Variants in MAP3K20 observed in about 807,000 individuals in gnomAD.
The protein encoded by MAP3K20 is mitogen-activated protein kinase kinase kinase 20.
In MAP3K20, 40 loss-of-function variants were observed where a neutral mutation model predicts 85.7. The ratio of observed to expected loss-of-function variants is 0.47; its 90% CI spans 0.36 to 0.61. The LOEUF (loss-of-function observed/expected upper bound fraction) is 0.61, where lower values mean the gene tolerates loss of function less well. Among genes scored for constraint, MAP3K20 ranks in the 20% least tolerant of loss-of-function variants. The pLI, the probability that MAP3K20 is intolerant of heterozygous loss-of-function variation, is 0.00. For synonymous variants in MAP3K20, 325 were observed against 327.7 expected (o/e 0.99, Z 0.09); for missense variants, 817 against 961.7 (o/e 0.85, Z 1.99).
chr2:173,099,205 G>C (rs1326967308), intron 2 of MAP3K20, among the ~76,000 whole-genome samples: 1 of 151,628 alleles, frequency 6.6e-6, no homozygotes, highest in Non-Finnish European at 1.5e-5. Flanking sequence ...GAAACCTCAG[G>C]CCAATACTTT....
At chr2:173,217,087 G>T in intron 10 of MAP3K20, 28 bp from the exon 11 acceptor site, 2 of 1,460,674 alleles carry the variant, frequency 1.4e-6, no homozygotes, top group South Asian at 3.2e-5. Flanking sequence ...AAGTAAAGTT[G>T]AGACTTACAC....
intron 14 of MAP3K20, among the ~76,000 whole-genome samples, chr2:173,236,266 TAAAAAAAAAA>T (rs67764486): frequency 3.1e-5 from 2 of 64,706 alleles, no homozygotes; most frequent in Non-Finnish European, 5.4e-5. Flanking sequence ...AGACCCTGTC[TAAAAAAAAAA>T]AAAAAAAAAA....
rs777840177 is a variant in MAP3K20 at position 173,266,413 on chromosome 2, ATTC to A, written c.2071_2073del (p.Ser691del). ...TATGGACGTGGTAGTATATCACTCA[ATTC>A]TTCTCCTAGAGGAAGATACAGTGGA... is the stretch of plus-strand genomic sequence containing the variant. On this transcript the variant is annotated inframe_deletion, in exon 20 of 20. Coordinates refer to ENST00000375213, the MANE Select transcript of MAP3K20 (RefSeq NM_016653.3). The A allele has an allele frequency of 1.2e-5, 20 of 1,614,036 alleles. No homozygotes were observed. In the East Asian group the frequency reaches 4.2e-4, roughly 34 times the overall value.
chr2:173,148,304 T>G (rs1689195163), intron 2 of MAP3K20, among the ~76,000 whole-genome samples: 1 of 152,234 alleles, frequency 6.6e-6, no homozygotes, highest in African/African-American at 2.4e-5. Flanking sequence ...CTTAGTATTC[T>G]CCCTTGCTCT....
At chr2:173,171,911 T>G (rs891976936) in intron 3 of MAP3K20, among the ~76,000 whole-genome samples, 1 of 152,248 alleles carries the variant, frequency 6.6e-6, no homozygotes, top group Non-Finnish European at 1.5e-5. Context: ...TGAGATTGAT[T>G]ATTAAAGAGA....
At chr2:173,108,138 T>A (rs547911142) in intron 2 of MAP3K20, among the ~76,000 whole-genome samples, 19 of 76,868 alleles carry the variant, frequency 2.5e-4, no homozygotes, top group East Asian at 1.3e-3. Context: ...TTTTTATTTT[T>A]TTTTTTATTT....
At chr2:173,167,124 C>T (rs1689855195) in intron 2 of MAP3K20, among the ~76,000 whole-genome samples, 1 of 151,852 alleles carries the variant, frequency 6.6e-6, no homozygotes, top group Admixed American at 6.6e-5. Flanking sequence ...ACCATATTAG[C>T]CAGGATGGTC....
At position 173,187,613 on chromosome 2, in the gene MAP3K20, G is replaced by A. The variant is rs1048012738; in HGVS notation, c.405G>A (p.Lys135=). The A allele has an allele frequency of 1.2e-6, 2 of 1,608,470 alleles. No individual in the cohort carries two copies. The highest frequency in any genetic ancestry group is 1.3e-5 in the African/African-American group (1 of 74,568). ...TCAAGGTGATTCACAGAGACCTCAA[G>A]TCAAGAAACGGTAATGTAGTTATGT... is the stretch of plus-strand genomic sequence containing the variant. ...APVKVIHRDL[K]SRNVVIAADG... is the part of the protein sequence containing the mutation. The change falls in exon 5 of 20, where the codon AAG becomes AAA. Residue 135 remains lysine (K), a synonymous_variant. Coordinates refer to ENST00000375213, the MANE Select transcript of MAP3K20 (RefSeq NM_016653.3).
At chr2:173,141,732 A>C (rs1483962735) in intron 2 of MAP3K20, among the ~76,000 whole-genome samples, 1 of 152,180 alleles carries the variant, frequency 6.6e-6, no homozygotes, top group Non-Finnish European at 1.5e-5. Flanking sequence ...AACCCCAAGC[A>C]GGATAAATTA....
rs143354096 is a variant in MAP3K20, at chr2:173,155,166, CAGAA to C, written c.160-14632_160-14629del. The stretch of plus-strand genomic sequence containing the variant: ...GGGAGGGGTACATTTTTCTCTGAGA[CAGAA>C]AGAAAGGCGTAGGTGTAAGGTAGGA... On this transcript the variant is annotated intron_variant, in intron 2 of 19. Transcript: ENST00000375213. Among the ~76,000 whole-genome samples the C allele has an allele frequency of 5.1e-3, 770 of 152,160 alleles. 3 individuals are homozygous for C. Among genetic ancestry groups the C allele is most frequent in the African/African-American group, 0.018 (735 of 41,504 alleles).
intron 11 of MAP3K20, chr2:173,226,185 T>A (rs1268791718): frequency 3.2e-6 from 3 of 938,256 alleles, no homozygotes; most frequent in African/African-American, 1.9e-5. Context: ...AATCAAGGAA[T>A]TAGGGGTCGG....
At chr2:173,123,929 A>C (rs74827629) in intron 2 of MAP3K20, among the ~76,000 whole-genome samples, 1,835 of 152,264 alleles carry the variant, frequency 0.012, 23 homozygotes, top group Middle Eastern at 0.024. Context: ...GCTTCATTGC[A>C]CTCAAAAGAA....
At chr2:173,100,520 A>G (rs1242715965) in intron 2 of MAP3K20, among the ~76,000 whole-genome samples, 4 of 152,198 alleles carry the variant, frequency 2.6e-5, no homozygotes, top group Admixed American at 2.0e-4. Context: ...CATCTAGGAA[A>G]TGTATCTTGT....
rs184485526 is a variant in MAP3K20 at position 173,077,075 on chromosome 2, C to T, written c.-35+1073C>T. On this transcript the variant is annotated intron_variant, in intron 1 of 19. Coordinates refer to ENST00000375213, the MANE Select transcript of MAP3K20 (RefSeq NM_016653.3). ...ATGAAAGCAACACAATTTAGGGGCC[C>T]ATTCCAAGTATGGTACAGTAAGCAG... is the stretch of plus-strand genomic sequence containing the variant. 1.8e-3 allele frequency among the ~76,000 whole-genome samples: 281 copies of T among 152,246 alleles called. 4 individuals carry two copies. Among genetic ancestry groups the T allele is most frequent in the Admixed American group, 0.018 (281 of 15,290 alleles).
In MAP3K20 at chr2:173,232,170, G is replaced by A. The variant is rs114750634; in HGVS notation, c.1033-22G>A. 148 of 1,614,148 alleles carry A rather than the reference G, an allele frequency of 9.2e-5. No individual in the cohort carries two copies. The African/African-American group carries it at 1.4e-3, about 15-fold the overall frequency. On this transcript the variant is annotated intron_variant, in intron 12 of 19. Transcript: ENST00000375213. ...TGACCATGTGTGAATCTTCAAAACC[G>A]TATGTGTCCTCTCTTTCACAGTATT...
chr2:173,261,835 T>C (rs1685301166), intron 18 of MAP3K20, among the ~76,000 whole-genome samples: 1 of 151,660 alleles, frequency 6.6e-6, no homozygotes, highest in Non-Finnish European at 1.5e-5. Flanking sequence ...TGGGCAGCAT[T>C]ATGAAACCCT....
At chr2:173,089,840 T>C (rs928773866) in intron 1 of MAP3K20, among the ~76,000 whole-genome samples, 8 of 152,202 alleles carry the variant, frequency 5.3e-5, no homozygotes, top group African/African-American at 1.4e-4. Flanking sequence ...CCCAAAGTAC[T>C]GGGATTACAG....
intron 11 of MAP3K20, 87 bp downstream of exon 11, chr2:173,217,337 CT>C (rs984945071): frequency 7.5e-7 from 1 of 1,331,418 alleles, no homozygotes; most frequent in African/African-American, 1.5e-5. Flanking sequence ...CTTCCCCTGC[CT>C]CCCGCCGCCC....
chr2:173,135,393 C>A (rs1286369319), intron 2 of MAP3K20, among the ~76,000 whole-genome samples: 1 of 152,112 alleles, frequency 6.6e-6, no homozygotes, highest in Admixed American at 6.5e-5. Flanking sequence ...CAGATTAGAG[C>A]AGTGGGTTAA....
Sources: allele counts gnomAD v4.1 joint callset (sites outside exome capture counted in the v4.1 genomes callset), GRCh38; gene constraint gnomAD v4.1.1; transcripts MANE v1.5; gene names NCBI Gene and HGNC (gene_info 2026-07-23, HGNC 2026-07-21).